OPRK1: variants seen among roughly 807,000 people sequenced by gnomAD.
OPRK1 encodes the protein kappa-type opioid receptor.
OPRK1 carries 15 observed loss-of-function variants against 24.5 expected under a neutral mutation model. The observed-to-expected ratio is 0.61, with a 90% confidence interval of 0.41 to 0.94. The LOEUF (loss-of-function observed/expected upper bound fraction) is 0.94, where lower values mean the gene tolerates loss of function less well. OPRK1 is among the 40% of genes least tolerant of loss of function. OPRK1 has a pLI of 0.00. For synonymous variants in OPRK1, 205 were observed against 198.0 expected, an observed-to-expected ratio of 1.04 and a Z score of -0.30; for missense variants, 479 against 507.3, an observed-to-expected ratio of 0.94 and a Z score of 0.54.
chr8:53,243,225 C>T (rs535490891), intron 2 of OPRK1, among the ~76,000 whole-genome samples: 1 of 152,316 alleles, frequency 6.6e-6, no homozygotes, highest in South Asian at 2.1e-4. Context: ...ACAGAGACTC[C>T]TGGGGCCATG....
chr8:53,234,878 A>T lies in OPRK1; in HGVS notation c.491T>A (p.Val164Glu). 1 of 1,614,172 alleles carries T rather than the reference A, an allele frequency of 6.2e-7. No individual in the cohort carries two copies. The highest frequency in any genetic ancestry group is 8.5e-7 in the Non-Finnish European group (1 of 1,180,034). The change falls in exon 3 of 4, where the codon GTG (valine) becomes GAG (glutamate). Residue 164 changes from valine (V) to glutamate (E), a missense_variant. By Grantham distance (121) the Val-to-Glu change is moderately radical. Coordinates refer to ENST00000265572, the MANE Select transcript of OPRK1 (RefSeq NM_000912.5). The stretch of plus-strand genomic sequence containing the variant: ...GGGTGTGCGGAAGTCCAAAGCCTTC[A>T]CGGGGTGGCACACGGCAATGTAGCG... The part of the protein sequence containing the change: ...VDRYIAVCHP[V>E]KALDFRTPLK...
At chr8:53,249,139 T>C (rs925586067) in intron 2 of OPRK1, among the ~76,000 whole-genome samples, 1 of 152,160 alleles carries the variant, frequency 6.6e-6, no homozygotes, top group African/African-American at 2.4e-5. Flanking sequence ...TACAAAGCTC[T>C]TTTCAAACTG....
chr8:53,235,262 C>A, intron 2 of OPRK1, 151 bp from the exon 3 acceptor site: 1 of 634,250 alleles, frequency 1.6e-6, no homozygotes, highest in Non-Finnish European at 2.7e-6. Context: ...ATGGACTGTT[C>A]TAGACATTGA....
At chr8:53,236,348 C>T (rs1283057468) in intron 2 of OPRK1, among the ~76,000 whole-genome samples, 1 of 152,202 alleles carries the variant, frequency 6.6e-6, no homozygotes, top group Non-Finnish European at 1.5e-5. Flanking sequence ...CAGGTTCACA[C>T]TCCAGCCTCA....
At chr8:53,238,601 T>TC in intron 2 of OPRK1, 1 of 985,372 alleles carries the variant, frequency 1.0e-6, no homozygotes, top group Non-Finnish European at 1.2e-6. Flanking sequence ...TTAGAAATGC[T>TC]CCCCAGTGAC....
intron 2 of OPRK1, 52 bp downstream of exon 2, chr8:53,250,729 C>A: frequency 6.6e-7 from 1 of 1,523,042 alleles, no homozygotes. Context: ...GGGGCCTGAC[C>A]CTCACTCCCT....
chr8:53,248,239 G>A (rs1228381400), intron 2 of OPRK1, among the ~76,000 whole-genome samples: 3 of 151,970 alleles, frequency 2.0e-5, no homozygotes, highest in Non-Finnish European at 4.4e-5. Flanking sequence ...CCCAAGGTGG[G>A]AAAAGCTATT....
chr8:53,250,797 T>C lies in OPRK1; in HGVS notation c.241A>G (p.Met81Val). ...CGCGCTCACCGGATGATCACGAACA[T>C]GACCAGCGAGTTGCCCACCAAGCCC... ...VVGLVGNSLV[M>V]FVIIRYTKMK... The change falls in exon 2 of 4, where the codon ATG becomes GTG. Residue 81 changes from methionine (M) to valine (V), a missense_variant. By Grantham distance (21) the Met-to-Val change is conservative (BLOSUM62 1). Coordinates refer to ENST00000265572, the MANE Select transcript of OPRK1 (RefSeq NM_000912.5). 6.2e-7 allele frequency: 1 copy of C among 1,609,534 alleles called. No homozygotes were observed. The highest frequency in any genetic ancestry group is 8.5e-7 in the Non-Finnish European group (1 of 1,177,970).
chr8:53,242,747 C>A, intron 2 of OPRK1: 3 of 1,014,904 alleles, frequency 3.0e-6, no homozygotes, highest in Non-Finnish European at 3.8e-6. Flanking sequence ...ACCTCGTGAT[C>A]CACCTGCCTC....
chr8:53,242,840 C>G (rs765317816), intron 2 of OPRK1: 2 of 1,267,656 alleles, frequency 1.6e-6, no homozygotes, highest in Non-Finnish European at 2.1e-6. Flanking sequence ...CTTCCCTGCC[C>G]GGCTTCACAC....
Position 53,228,487 on chromosome 8 carries a change from T to G in OPRK1, c.*810A>C, listed in dbSNP as rs202035904. The G allele has an allele frequency of 6.6e-6, 1 of 152,210 alleles. No homozygotes were observed. The highest frequency in any genetic ancestry group is 1.5e-5 in the Non-Finnish European group (1 of 68,044). The allele number at this position is 152,210 out of a possible 1,614,324, so 9.4% of individuals were successfully genotyped here. ...AAATTGCCTGGCTGGGAGGCAAGCC[T>G]ATTCCTTATTCACACAGGTACTATT... On this transcript the variant is annotated 3_prime_UTR_variant, in exon 4 of 4. Coordinates refer to ENST00000265572, the MANE Select transcript of OPRK1 (RefSeq NM_000912.5).
chr8:53,244,603 G>C (rs1311309091), intron 2 of OPRK1, among the ~76,000 whole-genome samples: 1 of 152,176 alleles, frequency 6.6e-6, no homozygotes, highest in East Asian at 1.9e-4. Flanking sequence ...AAAAGGAATA[G>C]GCTAAACTAA....
intron 2 of OPRK1, among the ~76,000 whole-genome samples, chr8:53,241,391 C>T (rs1287226142): frequency 6.6e-6 from 1 of 151,292 alleles, no homozygotes; most frequent in East Asian, 1.9e-4. Context: ...TCTAAAGGGG[C>T]AGTAGTTTAT....
Position 53,250,937 on chromosome 8 carries a change from G to A in OPRK1, c.101C>T (p.Ala34Val), listed in dbSNP as rs369538474. 6.2e-7 allele frequency: 1 copy of A among 1,610,824 alleles called. No homozygotes were observed. The highest frequency in any genetic ancestry group is 1.3e-5 in the African/African-American group (1 of 74,812). ...GGCGCTGCCGTTGCTGTCGGGCTCGGCCCAGCCGGGAAACCAGGCGCTGCT... is the reference window on the plus strand; with the variant it reads ...GGCGCTGCCGTTGCTGTCGGGCTCGACCCAGCCGGGAAACCAGGCGCTGCT... ...PNSSAWFPGW[A>V]EPDSNGSAGS... The change falls in exon 2 of 4, where the codon GCC (alanine) becomes GTC (valine). Residue 34 changes from alanine to valine, a missense_variant. Coordinates refer to ENST00000265572, the MANE Select transcript of OPRK1 (RefSeq NM_000912.5).
chr8:53,228,737 C>T lies in OPRK1; in HGVS notation c.*560G>A, dbSNP rs1806776946. 6.6e-6 allele frequency: 1 copy of T among 152,304 alleles called. No homozygotes were observed. The highest frequency in any genetic ancestry group is 6.5e-5 in the Admixed American group (1 of 15,284). The allele number at this position is 152,304 out of a possible 1,614,324, so 9.4% of individuals were successfully genotyped here. On this transcript the variant is annotated 3_prime_UTR_variant, in exon 4 of 4. Transcript: ENST00000265572. ...TCTGGTATAAGTGAACATCAGATTC[C>T]TCAGATGTGGGTCCAAGCCATATGT...
intron 2 of OPRK1, among the ~76,000 whole-genome samples, chr8:53,250,314 CCAGGAAA>C (rs1807343016): frequency 6.6e-6 from 1 of 152,044 alleles, no homozygotes; most frequent in Non-Finnish European, 1.5e-5. Flanking sequence ...CTGAGGAGTC[CCAGGAAA>C]TTCGGAATTA....
At chr8:53,249,221 G>T (rs1368883175) in intron 2 of OPRK1, among the ~76,000 whole-genome samples, 1 of 152,148 alleles carries the variant, frequency 6.6e-6, no homozygotes, top group African/African-American at 2.4e-5. Context: ...GATATGGGTA[G>T]AAACAGAGCT....
At chr8:53,231,846 G>A (rs1585628464) in intron 3 of OPRK1, among the ~76,000 whole-genome samples, 1 of 152,162 alleles carries the variant, frequency 6.6e-6, no homozygotes, top group Admixed American at 6.5e-5. Flanking sequence ...AGCAGAAGCC[G>A]CACAGGGCTG....
rs1412392065 is a variant in OPRK1 at position 53,229,763 on chromosome 8, A to G, written c.677T>C (p.Met226Thr). 4 of 1,613,252 alleles carry G rather than the reference A, an allele frequency of 2.5e-6. No individual in the cohort carries two copies. Among genetic ancestry groups the G allele is most frequent in the Non-Finnish European group, 3.4e-6 (4 of 1,179,600 alleles). ...GGCAAAGATGAAGACGCAGATCTTC[A>G]TGAAGAGGTCCCACCAGGAGTAGTC... ...DDDYSWWDLF[M>T]KICVFIFAFV... is the part of the protein sequence containing the mutation. Residue 226 changes from methionine (M) to threonine (T), a missense_variant, in exon 4 of 4, where the codon ATG becomes ACG. Coordinates refer to ENST00000265572, the MANE Select transcript of OPRK1 (RefSeq NM_000912.5).
Sources: gnomAD v4.1 joint callset for allele counts (sites outside exome capture counted in the v4.1 genomes callset) on GRCh38, gnomAD v4.1.1 for gene constraint, MANE v1.5 for transcripts, NCBI Gene and HGNC (gene_info 2026-07-23, HGNC 2026-07-21) for gene names.